The following MAGI2 variants were observed in gnomAD, a reference collection of about 807,000 sequenced individuals.
MAGI2 encodes membrane-associated guanylate kinase, WW and PDZ domain-containing protein 2.
In MAGI2, 35 loss-of-function variants were observed where a neutral mutation model predicts 133.3. The ratio of observed to expected loss-of-function variants is 0.26; its 90% confidence interval spans 0.20 to 0.35. The LOEUF is 0.35. Ranked by LOEUF, MAGI2 falls within the 10% of genes least tolerant of loss-of-function variation. MAGI2 has a pLI of 1.00. For missense variants in MAGI2, 1,636 were observed against 1,863.4 expected (o/e 0.88, Z 2.25); for synonymous variants, 729 against 710.6 (o/e 1.03, Z -0.41).
In MAGI2 at chr7:78,256,235, G is replaced by A. The variant is rs34937835; in HGVS notation, c.1755C>T (p.Pro585=). ...DGQLDGTYPP[P]VHDDNVSMAS... ...CCATAGACACATTGTCATCATGGAC[G>A]GGCGGTGGATACGTGCCGTCTAGCT... Residue 585 remains proline (P), a synonymous_variant, in exon 10 of 22, where the codon CCC becomes CCT. Transcript: ENST00000354212. 0.017 allele frequency: 27,739 copies of A among 1,614,008 alleles called. 385 individuals are homozygous for A. The highest frequency in any genetic ancestry group is 0.052 in the East Asian group (2,326 of 44,806).
chr7:78,947,319 A>G (rs1189322364), intron 2 of MAGI2, among the ~76,000 whole-genome samples: 1 of 152,118 alleles, frequency 6.6e-6, no homozygotes, highest in African/African-American at 2.4e-5. Flanking sequence ...TCCTCCATGT[A>G]CTAAGTAGAT....
rs529332540 is a variant in MAGI2, at chr7:78,624,054, TTTTGA to T, written c.538+3061_538+3065del. Among the ~76,000 whole-genome samples the T allele has an allele frequency of 2.3e-4, 35 of 152,254 alleles. No individual in the cohort carries two copies. In the South Asian group the frequency reaches 6.6e-3, roughly 29 times the overall value. On this transcript the variant is annotated intron_variant, in intron 3 of 21. Coordinates refer to ENST00000354212, the MANE Select transcript of MAGI2 (RefSeq NM_012301.4). ...CATGTGAGATGGTATCTCATTGTGGTTTTGATTTGTGTTTCTTTAATGATCAGTGA... is the reference window on the plus strand; with the variant it reads ...CATGTGAGATGGTATCTCATTGTGGTTTTGTGTTTCTTTAATGATCAGTGA...
intron 2 of MAGI2, among the ~76,000 whole-genome samples, chr7:78,628,932 G>GA (rs928337717): frequency 6.6e-6 from 1 of 151,318 alleles, no homozygotes; most frequent in African/African-American, 2.4e-5. Context: ...CAATCATTAA[G>GA]AAAAAAATCA....
intron 2 of MAGI2, among the ~76,000 whole-genome samples, chr7:78,784,091 A>G (rs186597179): frequency 6.6e-6 from 1 of 152,308 alleles, no homozygotes; most frequent in Admixed American, 6.5e-5. Context: ...TCATCTGATC[A>G]TTATAACCAT....
intron 6 of MAGI2, among the ~76,000 whole-genome samples, chr7:78,442,300 A>G (rs1004655975): frequency 6.6e-6 from 1 of 152,168 alleles, no homozygotes; most frequent in Non-Finnish European, 1.5e-5. Flanking sequence ...TTGATGATAG[A>G]TTCTATGTGT....
intron 10 of MAGI2, chr7:78,251,947 C>G (rs1792427143): frequency 6.6e-6 from 1 of 151,984 alleles, no homozygotes; most frequent in South Asian, 2.1e-4. Flanking sequence ...TCTAGACACC[C>G]CTGGGAAACA....
intron 2 of MAGI2, among the ~76,000 whole-genome samples, chr7:78,989,709 T>C (rs1035366195): frequency 1.3e-5 from 2 of 152,030 alleles, no homozygotes; most frequent in Non-Finnish European, 1.5e-5. Context: ...CCTTTAAATA[T>C]ATACATAGGG....
chr7:79,342,751 A>ATTTATTTG (rs1840995011), intron 1 of MAGI2, among the ~76,000 whole-genome samples: 1 of 151,436 alleles, frequency 6.6e-6, no homozygotes, highest in Admixed American at 6.6e-5. Flanking sequence ...TTATTTATTT[A>ATTTATTTG]TTTGTTTGTT....
At chr7:78,243,506 C>T (rs1243057045) in intron 10 of MAGI2, among the ~76,000 whole-genome samples, 1 of 151,956 alleles carries the variant, frequency 6.6e-6, no homozygotes, top group Non-Finnish European at 1.5e-5. Context: ...CTCTATTATG[C>T]TTTTTAAAAT....
chr7:79,284,019 G>A (rs1364139810), intron 1 of MAGI2, among the ~76,000 whole-genome samples: 1 of 152,030 alleles, frequency 6.6e-6, no homozygotes, highest in African/African-American at 2.4e-5. Context: ...TGTAGCCTAG[G>A]TGCAATAGGT....
At chr7:78,092,351 G>A (rs1172563045) in intron 20 of MAGI2, among the ~76,000 whole-genome samples, 1 of 152,118 alleles carries the variant, frequency 6.6e-6, no homozygotes, top group Admixed American at 6.5e-5. Flanking sequence ...AAGAGTAGCA[G>A]TGCATCACTA....
At chr7:78,151,646 C>T (rs1316950308) in intron 16 of MAGI2, among the ~76,000 whole-genome samples, 1 of 152,142 alleles carries the variant, frequency 6.6e-6, no homozygotes, top group Non-Finnish European at 1.5e-5. Context: ...AATCATTTAC[C>T]CAGGCTGAGA....
chr7:78,730,948 A>G (rs1488236390), intron 2 of MAGI2, among the ~76,000 whole-genome samples: 2 of 152,030 alleles, frequency 1.3e-5, no homozygotes, highest in African/African-American at 4.8e-5. Flanking sequence ...CTCTCCTTAC[A>G]CTACAGCTCC....
In MAGI2 at chr7:78,880,929, C is replaced by T. The variant is rs138130307; in HGVS notation, c.418+126161G>A. ...AAAAAGAGCAGAGGTCACTATTAAT[C>T]GGAAAAAAATGACTTTAAACCAATG... On this transcript the variant is annotated intron_variant, in intron 2 of 21. Transcript: ENST00000354212. Among the ~76,000 whole-genome samples, 474 of 152,068 alleles carry T rather than the reference C, an allele frequency of 3.1e-3. 4 individuals carry two copies. The highest frequency in any genetic ancestry group is 0.011 in the African/African-American group (447 of 41,490).
chr7:79,249,294 AGAG>A (rs1428783109), intron 1 of MAGI2, among the ~76,000 whole-genome samples: 2 of 152,226 alleles, frequency 1.3e-5, no homozygotes, highest in Non-Finnish European at 2.9e-5. Context: ...GATAAAGATC[AGAG>A]GAGAAGTAAG....
At position 78,558,796 on chromosome 7, in the gene MAGI2, T is replaced by C. The variant is rs12538355; in HGVS notation, c.539-37151A>G. Among the ~76,000 whole-genome samples the C allele has an allele frequency of 3.1e-4, 47 of 151,426 alleles. 2 individuals carry two copies. The East Asian group carries it at 7.0e-3, about 23-fold the overall frequency. ...GGCCCACGTGAGGGTGATCATACAG[T>C]GCTTTTGCAGCTATTCTAACAATGG... On this transcript the variant is annotated intron_variant, in intron 3 of 21. Coordinates refer to ENST00000354212, the MANE Select transcript of MAGI2 (RefSeq NM_012301.4).
chr7:78,217,061 G>A (rs1172806247), intron 10 of MAGI2, among the ~76,000 whole-genome samples: 3 of 152,148 alleles, frequency 2.0e-5, no homozygotes, highest in South Asian at 2.1e-4. Flanking sequence ...AAGGACACAA[G>A]TTCTATTGGA....
intron 1 of MAGI2, among the ~76,000 whole-genome samples, chr7:79,405,258 A>G (rs10269174): frequency 0.55 from 82,948 of 152,008 alleles, 25,169 homozygotes; most frequent in African/African-American, 0.81. Flanking sequence ...TTCTTGACAC[A>G]GCCATGCAAA....
intron 3 of MAGI2, among the ~76,000 whole-genome samples, chr7:78,528,134 G>A (rs367636387): frequency 6.6e-6 from 1 of 152,170 alleles, no homozygotes; most frequent in Non-Finnish European, 1.5e-5. Context: ...ATATGTCTTC[G>A]TGTTGGAAAC....
Sources: allele counts gnomAD v4.1 joint callset (sites outside exome capture counted in the v4.1 genomes callset), GRCh38; gene constraint gnomAD v4.1.1; transcripts MANE v1.5; gene names NCBI Gene and HGNC (gene_info 2026-07-23, HGNC 2026-07-21).